NEGR1: variants seen among roughly 807,000 people sequenced by gnomAD.
NEGR1 encodes the protein IgLON family member 4.
In NEGR1, 10 loss-of-function variants were observed where a neutral mutation model predicts 40.9. The observed-to-expected ratio is 0.24, with a 90% confidence interval of 0.15 to 0.42. The LOEUF (loss-of-function observed/expected upper bound fraction) is 0.42. Ranked by LOEUF, NEGR1 falls within the 10% of genes least tolerant of loss-of-function variation. NEGR1 has a pLI of 1.00. For missense variants in NEGR1, 352 were observed against 438.9 expected (o/e 0.80, Z 1.77); for synonymous variants, 185 against 166.8 (o/e 1.11, Z -0.84).
intron 2 of NEGR1, among the ~76,000 whole-genome samples, chr1:71,818,185 T>C (rs908358523): frequency 2.0e-5 from 3 of 151,992 alleles, no homozygotes; most frequent in African/African-American, 4.8e-5. Context: ...CATTATTAGG[T>C]ATATACCCAC....
chr1:72,103,664 T>C (rs572268967), intron 1 of NEGR1, among the ~76,000 whole-genome samples: 35 of 152,232 alleles, frequency 2.3e-4, no homozygotes, highest in African/African-American at 8.2e-4. Flanking sequence ...GCTGGAATAT[T>C]TACAATAAGA....
At chr1:72,086,389 A>C (rs1414855114) in intron 1 of NEGR1, among the ~76,000 whole-genome samples, 1 of 152,206 alleles carries the variant, frequency 6.6e-6, no homozygotes, top group Non-Finnish European at 1.5e-5. Flanking sequence ...TTTGTTTCTT[A>C]GAGATTTCTG....
intron 2 of NEGR1, among the ~76,000 whole-genome samples, chr1:71,862,789 G>A (rs1659989699): frequency 6.6e-6 from 1 of 151,940 alleles, no homozygotes; most frequent in Non-Finnish European, 1.5e-5. Flanking sequence ...GTGGGCAAAG[G>A]CATGAACAGA....
chr1:72,141,017 T>C (rs1650657307), intron 1 of NEGR1, among the ~76,000 whole-genome samples: 1 of 152,042 alleles, frequency 6.6e-6, no homozygotes, highest in Non-Finnish European at 1.5e-5. Flanking sequence ...ACCCTGACAT[T>C]GTGTACACTA....
At chr1:71,499,546 G>C (rs539243340) in intron 6 of NEGR1, among the ~76,000 whole-genome samples, 79 of 148,882 alleles carry the variant, frequency 5.3e-4, no homozygotes, top group East Asian at 2.5e-3. Context: ...TTTACCATAT[G>C]CTGGGAATTA....
chr1:71,802,688 T>C lies in NEGR1; in HGVS notation c.410-26391A>G, dbSNP rs952801230. 2.6e-5 allele frequency among the ~76,000 whole-genome samples: 4 copies of C among 152,248 alleles called. No individual in the cohort carries two copies. In the South Asian group the frequency reaches 6.2e-4, roughly 24 times the overall value. ...AGAGGAGTATTCTTAAGCCTTAAGA[T>C]CTAATAAAATGCCTTGATAGGTTTT... On this transcript the variant is annotated intron_variant, in intron 2 of 6. Coordinates refer to ENST00000357731, the MANE Select transcript of NEGR1 (RefSeq NM_173808.3).
chr1:72,088,244 A>T (rs1648302657), intron 1 of NEGR1, among the ~76,000 whole-genome samples: 1 of 152,154 alleles, frequency 6.6e-6, no homozygotes, highest in Non-Finnish European at 1.5e-5. Context: ...ATCACCTACA[A>T]CTTGTTAGAA....
intron 1 of NEGR1, among the ~76,000 whole-genome samples, chr1:72,246,860 A>G (rs566113635): frequency 2.6e-5 from 4 of 152,188 alleles, no homozygotes; most frequent in South Asian, 4.1e-4. Context: ...GCTTTCTCAT[A>G]TATCCTCTGA....
At position 71,407,344 on chromosome 1, in the gene NEGR1, T is replaced by C; in HGVS notation, c.*102A>G. 1 of 1,051,632 alleles carries C rather than the reference T, an allele frequency of 9.5e-7. No homozygotes were observed. The highest frequency in any genetic ancestry group is 1.4e-6 in the Non-Finnish European group (1 of 705,268). The allele number at this position is 1,051,632 out of a possible 1,614,324, so 65.1% of individuals were successfully genotyped here. On this transcript the variant is annotated 3_prime_UTR_variant, in exon 7 of 7. Coordinates refer to ENST00000357731, the MANE Select transcript of NEGR1 (RefSeq NM_173808.3). ...AAGGCGATCATCCCCATGTAAGCAC[T>C]GCTGATTATATCCCACGCTGCTTTT...
chr1:71,468,081 A>G (rs760334210), intron 6 of NEGR1, among the ~76,000 whole-genome samples: 1 of 152,040 alleles, frequency 6.6e-6, no homozygotes, highest in Non-Finnish European at 1.5e-5. Context: ...TACAAATATA[A>G]TATTAACAAC....
chr1:72,249,989 C>T (rs929161222), intron 1 of NEGR1, among the ~76,000 whole-genome samples: 2 of 152,144 alleles, frequency 1.3e-5, no homozygotes, highest in Non-Finnish European at 2.9e-5. Flanking sequence ...TATGTTTTAA[C>T]TTGGCTAGGC....
chr1:72,044,069 C>T (rs947852084), intron 1 of NEGR1, among the ~76,000 whole-genome samples: 7 of 151,640 alleles, frequency 4.6e-5, no homozygotes, highest in African/African-American at 1.7e-4. Flanking sequence ...CCCCCCATAC[C>T]AATCTGTATG....
chr1:72,072,949 T>C (rs1647534296), intron 1 of NEGR1, among the ~76,000 whole-genome samples: 1 of 152,184 alleles, frequency 6.6e-6, no homozygotes, highest in African/African-American at 2.4e-5. Flanking sequence ...ACTTTATTTA[T>C]AAATTTTGGT....
At chr1:72,177,812 A>G (rs1405252527) in intron 1 of NEGR1, among the ~76,000 whole-genome samples, 1 of 151,278 alleles carries the variant, frequency 6.6e-6, no homozygotes, top group Non-Finnish European at 1.5e-5. Context: ...TAAAAATTTC[A>G]ATACACTCAC....
rs140294480 is a variant in NEGR1, at chr1:72,229,085, A to C, written c.176+53234T>G. 6.2e-4 allele frequency among the ~76,000 whole-genome samples: 95 copies of C among 152,194 alleles called. 7 individuals carry two copies. The East Asian group carries it at 0.016, about 26-fold the overall frequency. On this transcript the variant is annotated intron_variant, in intron 1 of 6. Coordinates refer to ENST00000357731, the MANE Select transcript of NEGR1 (RefSeq NM_173808.3). Reference sequence around the variant, plus strand: ...AATTAAATTCCAAATTGGATGAAAAAATGTTGGAGCTGGCATTCCGTTATA... The same window carrying C: ...AATTAAATTCCAAATTGGATGAAAACATGTTGGAGCTGGCATTCCGTTATA...
At chr1:71,771,722 A>AAAAAAAAAAAGG (rs1656333440) in intron 3 of NEGR1, among the ~76,000 whole-genome samples, 2 of 148,270 alleles carry the variant, frequency 1.3e-5, no homozygotes, top group Non-Finnish European at 3.0e-5. Context: ...AAAAAAAAAA[A>AAAAAAAAAAAGG]GGTGTGAATC....
intron 1 of NEGR1, among the ~76,000 whole-genome samples, chr1:72,178,703 GTTTGT>G (rs1425275116): frequency 1.3e-5 from 2 of 150,542 alleles, no homozygotes; most frequent in African/African-American, 2.4e-5. Flanking sequence ...TTTTTTGTTT[GTTTGT>G]TTTGTTTTGT....
At chr1:71,586,945 C>T (rs1031182375) in intron 6 of NEGR1, among the ~76,000 whole-genome samples, 2 of 152,084 alleles carry the variant, frequency 1.3e-5, no homozygotes, top group Non-Finnish European at 2.9e-5. Context: ...CAAGGAAAGC[C>T]TTCTCATTAA....
chr1:72,191,572 T>C (rs1187725570), intron 1 of NEGR1, among the ~76,000 whole-genome samples: 4 of 151,886 alleles, frequency 2.6e-5, no homozygotes, highest in Non-Finnish European at 5.9e-5. Flanking sequence ...AGGGTATGTG[T>C]ATACTTCATT....
Sources: allele counts gnomAD v4.1 joint callset (sites outside exome capture counted in the v4.1 genomes callset), GRCh38; gene constraint gnomAD v4.1.1; transcripts MANE v1.5; gene names NCBI Gene and HGNC (gene_info 2026-07-23, HGNC 2026-07-21).